NTM: variants seen among roughly 807,000 people sequenced by gnomAD.
The protein encoded by NTM is neurotrimin.
NTM carries 13 observed loss-of-function variants against 42.1 expected under a neutral mutation model. The observed-to-expected ratio is 0.31, with a 90% CI of 0.20 to 0.49. The LOEUF is 0.49. NTM is among the 20% of genes least tolerant of loss of function. The pLI is 0.99. For synonymous variants in NTM, 187 were observed against 179.2 expected (o/e 1.04, Z -0.35); for missense variants, 373 against 452.8 (o/e 0.82, Z 1.60).
chr11:131,818,068 T>C (rs1379777032), intron 1 of NTM, among the ~76,000 whole-genome samples: 2 of 152,188 alleles, frequency 1.3e-5, no homozygotes, highest in Non-Finnish European at 2.9e-5. Context: ...CAGCGGCTTT[T>C]GGCACCCACC....
chr11:131,701,563 C>T (rs1014049575), intron 1 of NTM, among the ~76,000 whole-genome samples: 6 of 152,196 alleles, frequency 3.9e-5, no homozygotes, highest in African/African-American at 1.4e-4. Flanking sequence ...CTCTGCCATC[C>T]CTAGCTCTCT....
At chr11:132,114,265 C>T (rs1276614381) in intron 2 of NTM, among the ~76,000 whole-genome samples, 1 of 152,206 alleles carries the variant, frequency 6.6e-6, no homozygotes, top group Non-Finnish European at 1.5e-5. Flanking sequence ...CAGTTGGCTT[C>T]CTGCAGTGAG....
intron 3 of NTM, among the ~76,000 whole-genome samples, chr11:132,185,469 C>T (rs922687266): frequency 6.6e-6 from 1 of 152,144 alleles, no homozygotes; most frequent in African/African-American, 2.4e-5. Flanking sequence ...TAATGAGAAG[C>T]GATGCCCAAA....
At chr11:131,904,360 C>T (rs1455974740) in intron 1 of NTM, among the ~76,000 whole-genome samples, 2 of 152,028 alleles carry the variant, frequency 1.3e-5, no homozygotes, top group African/African-American at 4.8e-5. Flanking sequence ...AATTGCCATT[C>T]CTAGGGCTCT....
chr11:131,803,996 A>G lies in NTM; in HGVS notation c.83-107568A>G, dbSNP rs79618445. Among the ~76,000 whole-genome samples, 521 of 152,296 alleles carry G rather than the reference A, an allele frequency of 3.4e-3. 2 individuals are homozygous for G. Among genetic ancestry groups the G allele is most frequent in the Non-Finnish European group, 6.7e-3 (453 of 68,022 alleles). On this transcript the variant is annotated intron_variant, in intron 1 of 8. Coordinates refer to ENST00000683400, the MANE Select transcript of NTM (RefSeq NM_001352005.2). ...TCCAAAAATCTCATCTTGCATCTATAATTGCCTTCACAGTATTACCAGCTC... is the reference window on the plus strand; with the variant it reads ...TCCAAAAATCTCATCTTGCATCTATGATTGCCTTCACAGTATTACCAGCTC...
At chr11:131,620,344 C>T (rs1344670002) in intron 1 of NTM, among the ~76,000 whole-genome samples, 1 of 152,150 alleles carries the variant, frequency 6.6e-6, no homozygotes, top group Admixed American at 6.5e-5. Flanking sequence ...TACCTCTTCC[C>T]ATCTCCCTTC....
chr11:131,854,858 G>GGTTTCAAGTAT (rs1389613811), intron 1 of NTM, among the ~76,000 whole-genome samples: 1 of 152,130 alleles, frequency 6.6e-6, no homozygotes, highest in African/African-American at 2.4e-5. Flanking sequence ...GGTTTTTCCT[G>GGTTTCAAGTAT]GTTTCAAGTA....
At chr11:131,715,820 G>T (rs1383267373) in intron 1 of NTM, among the ~76,000 whole-genome samples, 1 of 152,176 alleles carries the variant, frequency 6.6e-6, no homozygotes, top group Non-Finnish European at 1.5e-5. Context: ...CCATGTTGTT[G>T]CATGTATTAG....
At chr11:132,131,216 G>A (rs375739865) in intron 2 of NTM, among the ~76,000 whole-genome samples, 50 of 152,266 alleles carry the variant, frequency 3.3e-4, no homozygotes, top group African/African-American at 1.1e-3. Context: ...CTGGCAGCCC[G>A]GTGTGAGTAA....
chr11:131,995,014 A>G (rs2135175634), intron 2 of NTM, among the ~76,000 whole-genome samples: 1 of 152,080 alleles, frequency 6.6e-6, no homozygotes, highest in Admixed American at 6.5e-5. Flanking sequence ...GGTAGTTCAG[A>G]CTGTTGTTCC....
chr11:131,491,053 A>T (rs1282054342), intron 1 of NTM, among the ~76,000 whole-genome samples: 1 of 152,210 alleles, frequency 6.6e-6, no homozygotes, highest in Non-Finnish European at 1.5e-5. Flanking sequence ...ATATGTGAAG[A>T]GTGGAAGAAA....
intron 1 of NTM, among the ~76,000 whole-genome samples, chr11:131,619,037 C>G (rs145078775): frequency 6.6e-6 from 1 of 152,086 alleles, no homozygotes; most frequent in African/African-American, 2.4e-5. Context: ...GAGAGGTATG[C>G]GAAAACAAAC....
chr11:131,884,330 A>G (rs1310250598), intron 1 of NTM, among the ~76,000 whole-genome samples: 2 of 152,142 alleles, frequency 1.3e-5, no homozygotes, highest in African/African-American at 4.8e-5. Flanking sequence ...AATCATTTGA[A>G]CCCGGGAGGC....
At chr11:131,867,465 G>A (rs1336894118) in intron 1 of NTM, among the ~76,000 whole-genome samples, 3 of 151,932 alleles carry the variant, frequency 2.0e-5, no homozygotes, top group Non-Finnish European at 4.4e-5. Context: ...GTGTGTGTCT[G>A]TGTGTGTCTG....
At chr11:131,699,171 C>A (rs563904382) in intron 1 of NTM, among the ~76,000 whole-genome samples, 1 of 152,302 alleles carries the variant, frequency 6.6e-6, no homozygotes, top group East Asian at 1.9e-4. Flanking sequence ...ATCTAGAGCA[C>A]TGAATCTGCA....
intron 3 of NTM, among the ~76,000 whole-genome samples, chr11:132,198,031 G>A (rs1166458032): frequency 6.6e-6 from 1 of 152,038 alleles, no homozygotes; most frequent in Admixed American, 6.6e-5. Flanking sequence ...GGATGGCTGG[G>A]TCAAATGATA....
intron 1 of NTM, among the ~76,000 whole-genome samples, chr11:131,898,574 A>G (rs2052654386): frequency 6.6e-6 from 1 of 152,208 alleles, no homozygotes; most frequent in South Asian, 2.1e-4. Context: ...AGCAGTCTGT[A>G]GCCATGGAGG....
chr11:132,319,404 C>T (rs756152557), intron 7 of NTM, among the ~76,000 whole-genome samples: 6 of 152,288 alleles, frequency 3.9e-5, no homozygotes, highest in East Asian at 1.9e-4. Flanking sequence ...CCTGGAAAAT[C>T]GAGTCACTCC....
intron 1 of NTM, among the ~76,000 whole-genome samples, chr11:131,739,356 C>T (rs1555107385): frequency 6.6e-6 from 1 of 152,112 alleles, no homozygotes; most frequent in Non-Finnish European, 1.5e-5. Flanking sequence ...GTCAGTTACT[C>T]ACACTCTTGG....
Sources: allele counts gnomAD v4.1 joint callset (sites outside exome capture counted in the v4.1 genomes callset), GRCh38; gene constraint gnomAD v4.1.1; transcripts MANE v1.5; gene names NCBI Gene and HGNC (gene_info 2026-07-23, HGNC 2026-07-21).